The following PCDHGA2 variants were observed in gnomAD, a reference collection of about 807,000 sequenced individuals.
PCDHGA2 encodes the protein protocadherin gamma subfamily A, 2.
A neutral mutation model predicts 59.2 loss-of-function variants in PCDHGA2; 40 were observed. The ratio of observed to expected loss-of-function variants is 0.68; its 90% CI spans 0.52 to 0.88. The LOEUF is 0.88. Among genes scored for constraint, PCDHGA2 ranks in the 40% least tolerant of loss-of-function variants. PCDHGA2 has a pLI of 0.00. For synonymous variants in PCDHGA2, 560 were observed against 526.0 expected (o/e 1.06, Z -0.89); for missense variants, 1,226 against 1,204.0 (o/e 1.02, Z -0.27).
Position 141,485,486 on chromosome 5 carries a change from C to A in PCDHGA2, c.2425-9321C>A. On this transcript the variant is annotated intron_variant, in intron 1 of 3. Transcript: ENST00000394576. This position sits in a 1 kb window ranked among gnomAD's most constrained non-coding sequence, Gnocchi z 5.7. Reference sequence around the variant, plus strand: ...TGGGCTCAGTGCCAGCTGCATCGTGCCCCTGGAGTTTGTCACCGAAGGTCC... The same window carrying A: ...TGGGCTCAGTGCCAGCTGCATCGTGACCCTGGAGTTTGTCACCGAAGGTCC... 6.2e-7 allele frequency: 1 copy of A among 1,614,104 alleles called. No individual in the cohort carries two copies.
Position 141,346,624 on chromosome 5 carries a change from C to G in PCDHGA2, c.2424+5229C>G, listed in dbSNP as rs968962434. ...TGGGCCTATAGTAGGACTGCACTCC[C>G]CGGTCTGGTTATGGTTGAGTGGGCT... On this transcript the variant is annotated intron_variant, in intron 1 of 3. Coordinates refer to ENST00000394576, the MANE Select transcript of PCDHGA2 (RefSeq NM_018915.4). The G allele has an allele frequency of 1.2e-5, 12 of 1,031,578 alleles. 1 individual carries two copies. Among genetic ancestry groups the G allele is most frequent in the African/African-American group, 4.9e-5 (3 of 61,630 alleles). 63.9% of individuals were successfully genotyped at this position (1,031,578 alleles called of 1,614,324 possible).
intron 1 of PCDHGA2, chr5:141,423,599 C>T (rs1185412610): frequency 6.2e-7 from 1 of 1,612,844 alleles, no homozygotes; most frequent in Non-Finnish European, 8.5e-7. Context: ...AAAAGCGAGC[C>T]ACTCTTGATA....
chr5:141,346,361 G>A (rs755956350), intron 1 of PCDHGA2: 7 of 1,614,106 alleles, frequency 4.3e-6, no homozygotes, highest in East Asian at 2.2e-5. Flanking sequence ...CCAACTATGC[G>A]GACACGCTCA....
intron 1 of PCDHGA2, among the ~76,000 whole-genome samples, chr5:141,473,759 C>G (rs989399714): frequency 3.3e-5 from 5 of 152,158 alleles, no homozygotes; most frequent in African/African-American, 1.2e-4. Flanking sequence ...GGATACTATG[C>G]AAAGGATTTG....
intron 1 of PCDHGA2, among the ~76,000 whole-genome samples, chr5:141,481,245 T>C (rs1362728826): frequency 6.6e-6 from 1 of 152,194 alleles, no homozygotes; most frequent in East Asian, 1.9e-4. Context: ...TTACATAGCA[T>C]AGCTCTAAAA....
intron 1 of PCDHGA2, chr5:141,423,967 A>T (rs760284844): frequency 5.2e-6 from 6 of 1,153,616 alleles, no homozygotes; most frequent in Non-Finnish European, 6.5e-6. Context: ...TTTTTCTATT[A>T]TCAGTGTATG....
rs773806445 is a variant in PCDHGA2 at position 141,346,087 on chromosome 5, A to G, written c.2424+4692A>G. On this transcript the variant is annotated intron_variant, in intron 1 of 3. Transcript: ENST00000394576. The stretch of plus-strand genomic sequence containing the variant: ...AGCCTCGAGCCCTCCGCCAAACCCA[A>G]CGATTCGGACCTCACTCTGTACCTG... 8.7e-6 allele frequency: 14 copies of G among 1,612,620 alleles called. No homozygotes were observed. The Admixed American group carries it at 2.2e-4, about 25-fold the overall frequency.
chr5:141,397,820 C>G (rs2093573235), intron 1 of PCDHGA2, among the ~76,000 whole-genome samples: 1 of 152,240 alleles, frequency 6.6e-6, no homozygotes, highest in Non-Finnish European at 1.5e-5. Flanking sequence ...AAAACAATTA[C>G]TGCACTGGTT....
intron 1 of PCDHGA2, chr5:141,344,707 A>T: frequency 1.2e-6 from 2 of 1,613,974 alleles, no homozygotes; most frequent in Non-Finnish European, 1.7e-6. Context: ...CACTCTGGCA[A>T]CTTGCACATC....
chr5:141,377,024 G>A (rs944242934), intron 1 of PCDHGA2: 5 of 154,950 alleles, frequency 3.2e-5, no homozygotes, highest in African/African-American at 1.2e-4. Context: ...GAAAATTCAA[G>A]ATTGTCTTTG....
In PCDHGA2 at chr5:141,419,962, GCT is replaced by G. The variant is rs1374844110; in HGVS notation, c.2425-74842_2425-74841del. ...TGGTGGCCTTGGCCTTGATTTCTGTGCTCTTTCTCCTCGCGGTGATTCTAGCT... is the reference window on the plus strand; with the variant it reads ...TGGTGGCCTTGGCCTTGATTTCTGTGCTTTCTCCTCGCGGTGATTCTAGCT... On this transcript the variant is annotated intron_variant, in intron 1 of 3. Coordinates refer to ENST00000394576, the MANE Select transcript of PCDHGA2 (RefSeq NM_018915.4). The G allele has an allele frequency of 3.1e-6, 5 of 1,613,974 alleles. No homozygotes were observed. In the African/African-American group the frequency reaches 4.0e-5, roughly 13 times the overall value.
chr5:141,392,810 A>G (rs772526220), intron 1 of PCDHGA2: 41 of 1,580,272 alleles, frequency 2.6e-5, no homozygotes, highest in Middle Eastern at 1.7e-4. Context: ...GCAGCAAAAC[A>G]ACAATGGCCG....
In PCDHGA2 at chr5:141,432,627, C is replaced by G. The variant is rs886117102; in HGVS notation, c.2425-62180C>G. On this transcript the variant is annotated intron_variant, in intron 1 of 3. Transcript: ENST00000394576. This position sits in a 1 kb window ranked among gnomAD's most constrained non-coding sequence, Gnocchi z 6.0. The stretch of plus-strand genomic sequence containing the variant: ...GGACTCTTCTCGGTGGGTCTGCACA[C>G]GGGCGAGGTGCGCACGGCGCGAGCC... The G allele has an allele frequency of 1.2e-6, 2 of 1,613,652 alleles. No individual in the cohort carries two copies. The highest frequency in any genetic ancestry group is 2.7e-5 in the African/African-American group (2 of 74,886).
intron 1 of PCDHGA2, chr5:141,399,986 G>A (rs1400468651): frequency 6.2e-7 from 1 of 1,612,408 alleles, no homozygotes; most frequent in East Asian, 2.2e-5. Context: ...CTGCGCACAG[G>A]AGAGGTGCGC....
chr5:141,509,900 C>T (rs2099878860), intron 3 of PCDHGA2, among the ~76,000 whole-genome samples: 1 of 152,186 alleles, frequency 6.6e-6, no homozygotes, highest in Admixed American at 6.5e-5. Context: ...CTGTCCCTTC[C>T]AGCATGCGCT....
intron 1 of PCDHGA2, among the ~76,000 whole-genome samples, chr5:141,460,737 G>GTA (rs1393989215): frequency 2.0e-5 from 3 of 150,700 alleles, no homozygotes; most frequent in East Asian, 1.9e-4. Context: ...TATACACATT[G>GTA]TATATATATG....
At position 141,374,373 on chromosome 5, in the gene PCDHGA2, C is replaced by A. The variant is rs370590731; in HGVS notation, c.2424+32978C>A. 7.4e-6 allele frequency: 12 copies of A among 1,613,934 alleles called. No homozygotes were observed. Among genetic ancestry groups the A allele is most frequent in the Non-Finnish European group, 8.5e-7 (1 of 1,179,910 alleles). On this transcript the variant is annotated intron_variant, in intron 1 of 3. Transcript: ENST00000394576. ...AGGATAGACCGCGAGGAGCTCTGTGCTCAGAGCCCGCGGTGTCTGGTGAGT... is the reference window on the plus strand; with the variant it reads ...AGGATAGACCGCGAGGAGCTCTGTGATCAGAGCCCGCGGTGTCTGGTGAGT...
chr5:141,500,175 CA>C (rs762724660), intron 2 of PCDHGA2, among the ~76,000 whole-genome samples: 15 of 147,258 alleles, frequency 1.0e-4, no homozygotes, highest in Non-Finnish European at 1.5e-4. Flanking sequence ...GCATGAGCTT[CA>C]TTTTTATTTT....
At chr5:141,418,872 T>C (rs1351483025) in intron 1 of PCDHGA2, 11 of 1,613,996 alleles carry the variant, frequency 6.8e-6, no homozygotes, top group East Asian at 2.2e-5. Context: ...GTAGAAGTTG[T>C]AGACGAAAAC....
Sources: gnomAD v4.1 joint callset for allele counts (sites outside exome capture counted in the v4.1 genomes callset) on GRCh38, gnomAD v4.1.1 for gene constraint, Gnocchi (gnomAD v3.1) non-coding constraint, MANE v1.5 for transcripts, NCBI Gene and HGNC (gene_info 2026-07-23, HGNC 2026-07-21) for gene names.